Variants in GRB10 observed in about 807,000 individuals in gnomAD.
GRB10 encodes growth factor receptor-bound protein 10.
A neutral mutation model predicts 80.9 loss-of-function variants in GRB10; 20 were observed. The observed-to-expected ratio is 0.25, with a 90% confidence interval of 0.17 to 0.36. The LOEUF is 0.36. Ranked by LOEUF, GRB10 falls within the 10% of genes least tolerant of loss-of-function variation. The probability of loss-of-function intolerance (pLI) is 1.00; values close to 1 mark genes in which losing one functional copy is unlikely to be tolerated. For missense variants in GRB10, 548 were observed against 747.7 expected (o/e 0.73, Z 3.12); for synonymous variants, 291 against 291.5 (o/e 1.00, Z 0.02).
intron 4 of GRB10, 38 bp downstream of exon 4, chr7:50,732,234 C>T (rs1260824673): frequency 5.0e-6 from 8 of 1,604,572 alleles, no homozygotes; most frequent in Non-Finnish European, 6.8e-6. Context: ...TCGACCAGCA[C>T]CATCGGGCCA....
At chr7:50,700,746 G>A (rs1427555271) in intron 5 of GRB10, among the ~76,000 whole-genome samples, 1 of 152,136 alleles carries the variant, frequency 6.6e-6, no homozygotes, top group East Asian at 1.9e-4. Flanking sequence ...GTGTTTTAAA[G>A]TTTCCTCATG....
At chr7:50,754,286 G>T (rs555602503) in intron 3 of GRB10, among the ~76,000 whole-genome samples, 7 of 152,314 alleles carry the variant, frequency 4.6e-5, no homozygotes, top group Non-Finnish European at 8.8e-5. Flanking sequence ...GCCACAAAGC[G>T]TGGCTTTTTC....
intron 13 of GRB10, 34 bp downstream of exon 13, chr7:50,612,707 G>C (rs764981664): frequency 7.0e-7 from 1 of 1,426,768 alleles, no homozygotes; most frequent in East Asian, 2.3e-5. Flanking sequence ...ACGAAGAGAT[G>C]TGCACTCAAC....
At position 50,598,874 on chromosome 7, in the gene GRB10, G is replaced by C. The variant is rs574695122; in HGVS notation, c.1545-3344C>G. 3.9e-5 allele frequency among the ~76,000 whole-genome samples: 6 copies of C among 152,218 alleles called. No individual in the cohort carries two copies. In the South Asian group the frequency reaches 6.2e-4, roughly 16 times the overall value. On this transcript the variant is annotated intron_variant, in intron 17 of 18. Transcript: ENST00000401949. ...GGCATGAAGTGCAGACAGAGGGACT[G>C]CACAGGCAGATGACACAGGGATCGA... is the stretch of plus-strand genomic sequence containing the variant.
intron 3 of GRB10, among the ~76,000 whole-genome samples, chr7:50,734,439 C>G (rs939136307): frequency 2.9e-5 from 4 of 138,232 alleles, no homozygotes; most frequent in Non-Finnish European, 4.8e-5. Flanking sequence ...AGTTCTGCCA[C>G]ATCCCACCAG....
intron 7 of GRB10, among the ~76,000 whole-genome samples, chr7:50,638,754 A>C (rs1387663696): frequency 6.6e-6 from 1 of 152,210 alleles, no homozygotes; most frequent in Non-Finnish European, 1.5e-5. Flanking sequence ...ATGTATGCAA[A>C]GGAAAAGACA....
intron 7 of GRB10, among the ~76,000 whole-genome samples, chr7:50,669,391 C>T (rs1408890902): frequency 3.3e-5 from 5 of 152,086 alleles, no homozygotes; most frequent in Admixed American, 6.5e-5. Context: ...GGAGATGACA[C>T]GCACTTTTAA....
Position 50,606,693 on chromosome 7 carries a change from GTTAA to G in GRB10, c.1195-283_1195-280del. 5 of 454,988 alleles carry G rather than the reference GTTAA, an allele frequency of 1.1e-5. 1 individual carries two copies. In the South Asian group the frequency reaches 1.1e-4, roughly 10 times the overall value. The allele number at this position is 454,988 out of a possible 1,614,324, so 28.2% of individuals were successfully genotyped here. The stretch of plus-strand genomic sequence containing the variant: ...AGAAGCCTTAATGATAACATAAACA[GTTAA>G]TTAACATATATTTCGTATATGTATT... On this transcript the variant is annotated intron_variant, in intron 13 of 18. Coordinates refer to ENST00000401949, the MANE Select transcript of GRB10 (RefSeq NM_001350814.2).
chr7:50,730,107 A>G (rs975529730), intron 4 of GRB10, among the ~76,000 whole-genome samples: 3 of 152,136 alleles, frequency 2.0e-5, no homozygotes, highest in African/African-American at 7.2e-5. Context: ...GGATTTCTCC[A>G]AGGTCAGAGA....
At chr7:50,604,272 C>A in intron 16 of GRB10, 39 bp downstream of exon 16, 1 of 1,558,292 alleles carries the variant, frequency 6.4e-7, no homozygotes, top group Non-Finnish European at 8.9e-7. Context: ...GTTTGATTTT[C>A]TTTATGTACA....
chr7:50,618,232 TA>T, intron 9 of GRB10, 93 bp from the exon 10 acceptor site: 1 of 937,672 alleles, frequency 1.1e-6, no homozygotes, highest in African/African-American at 1.6e-5. Context: ...AAACTATTCC[TA>T]CCAGTATAAT....
intron 2 of GRB10, among the ~76,000 whole-genome samples, chr7:50,769,873 C>G (rs947088957): frequency 6.6e-6 from 1 of 152,170 alleles, no homozygotes; most frequent in African/African-American, 2.4e-5. Flanking sequence ...AAGGCACTCT[C>G]GGGTGGATGA....
chr7:50,634,008 T>C (rs547087220), intron 7 of GRB10, among the ~76,000 whole-genome samples: 14 of 152,160 alleles, frequency 9.2e-5, no homozygotes, highest in Non-Finnish European at 1.6e-4. Context: ...TTGCTAGAGA[T>C]GTAGATATGC....
chr7:50,627,435 G>C (rs1258271782), intron 7 of GRB10, among the ~76,000 whole-genome samples: 1 of 152,132 alleles, frequency 6.6e-6, no homozygotes, highest in Non-Finnish European at 1.5e-5. Context: ...GTTCTCCCAG[G>C]GCACAGGGTC....
intron 13 of GRB10, among the ~76,000 whole-genome samples, chr7:50,608,233 G>A (rs2329486): frequency 0.78 from 117,968 of 152,204 alleles, 46,112 homozygotes; most frequent in East Asian, 0.98. Context: ...AGAGGAAAAC[G>A]TGCATTATTT....
intron 12 of GRB10, among the ~76,000 whole-genome samples, chr7:50,614,039 T>G (rs1033394854): frequency 2.0e-5 from 3 of 152,206 alleles, no homozygotes; most frequent in Non-Finnish European, 4.4e-5. Flanking sequence ...GAACATATCA[T>G]GCACAGTAAG....
At chr7:50,623,384 C>T (rs1394859413) in intron 8 of GRB10, among the ~76,000 whole-genome samples, 6 of 152,246 alleles carry the variant, frequency 3.9e-5, no homozygotes, top group Admixed American at 1.3e-4. Context: ...TTTTCAAGTG[C>T]GTCCAGTAGT....
At chr7:50,606,051 G>C (rs548490431) in intron 14 of GRB10, among the ~76,000 whole-genome samples, 1 of 152,228 alleles carries the variant, frequency 6.6e-6, no homozygotes, top group African/African-American at 2.4e-5. Context: ...CACAAGGCCA[G>C]AAGTTGTTGC....
chr7:50,591,365 G>T lies in GRB10; in HGVS notation c.*1587C>A, dbSNP rs1248961888. The T allele has an allele frequency of 2.0e-5, 3 of 152,266 alleles. No homozygotes were observed. The highest frequency in any genetic ancestry group is 4.4e-5 in the Non-Finnish European group (3 of 68,092). 9.4% of individuals were successfully genotyped at this position (152,266 alleles called of 1,614,324 possible). On this transcript the variant is annotated 3_prime_UTR_variant, in exon 19 of 19. Transcript: ENST00000401949. Reference sequence around the variant, plus strand: ...CTACGGGGGTTGACTGAGGAGCAGAGAAATGCTGTTCCTTAGGGAACACTT... The same window carrying T: ...CTACGGGGGTTGACTGAGGAGCAGATAAATGCTGTTCCTTAGGGAACACTT...
Sources: allele counts gnomAD v4.1 joint callset (sites outside exome capture counted in the v4.1 genomes callset), GRCh38; gene constraint gnomAD v4.1.1; transcripts MANE v1.5; gene names NCBI Gene and HGNC (gene_info 2026-07-23, HGNC 2026-07-21).